The following RAD51B variants were observed in gnomAD, a reference collection of about 807,000 sequenced individuals.
RAD51B encodes the protein DNA repair protein RAD51 homolog 2.
A neutral mutation model predicts 42.2 loss-of-function variants in RAD51B; 38 were observed. That is an observed-to-expected ratio of 0.90 (90% CI 0.70 to 1.18). The LOEUF is 1.18. Among genes scored for constraint, RAD51B ranks in the 50% most tolerant of loss-of-function variants. The probability of loss-of-function intolerance (pLI) is 0.00; values close to 1 mark genes in which losing one functional copy is unlikely to be tolerated. For missense variants in RAD51B, 373 were observed against 400.7 expected (o/e 0.93, Z 0.59); for synonymous variants, 154 against 145.2 (o/e 1.06, Z -0.43).
At chr14:68,642,971 T>C (rs1301748462) in intron 10 of RAD51B, among the ~76,000 whole-genome samples, 1 of 138,348 alleles carries the variant, frequency 7.2e-6, no homozygotes, top group Non-Finnish European at 1.6e-5. Flanking sequence ...CATTGTATGA[T>C]TTCTATTATT....
intron 8 of RAD51B, among the ~76,000 whole-genome samples, chr14:68,337,332 A>G (rs2139822974): frequency 6.6e-6 from 1 of 152,336 alleles, no homozygotes; most frequent in South Asian, 2.1e-4. Flanking sequence ...TAGTTTATTG[A>G]TACATGAATT....
chr14:68,652,982 G>T (rs1261818550), intron 11 of RAD51B, among the ~76,000 whole-genome samples: 1 of 152,194 alleles, frequency 6.6e-6, no homozygotes, highest in African/African-American at 2.4e-5. Context: ...CTAACTTGAG[G>T]TCCACTCTGA....
chr14:67,833,292 C>T (rs1395533828), intron 3 of RAD51B, among the ~76,000 whole-genome samples: 1 of 152,166 alleles, frequency 6.6e-6, no homozygotes, highest in Non-Finnish European at 1.5e-5. Flanking sequence ...AGGAGAATTG[C>T]TTGAACCCAG....
intron 7 of RAD51B, among the ~76,000 whole-genome samples, chr14:68,062,860 G>A (rs1298280014): frequency 1.3e-5 from 2 of 149,412 alleles, no homozygotes; most frequent in Non-Finnish European, 3.0e-5. Context: ...CAGCCTTGAA[G>A]CCATCTGGTC....
At chr14:67,863,626 T>G (rs1293688151) in intron 4 of RAD51B, among the ~76,000 whole-genome samples, 2 of 152,100 alleles carry the variant, frequency 1.3e-5, no homozygotes, top group Non-Finnish European at 2.9e-5. Context: ...TTCTTTTCCC[T>G]TCCTCTCCTC....
chr14:67,971,528 A>G (rs1344399584), intron 7 of RAD51B, among the ~76,000 whole-genome samples: 1 of 152,096 alleles, frequency 6.6e-6, no homozygotes, highest in Non-Finnish European at 1.5e-5. Flanking sequence ...TTGTACTTAG[A>G]AGTAAATTAC....
At chr14:67,959,504 C>T (rs1001778545) in intron 7 of RAD51B, among the ~76,000 whole-genome samples, 1 of 152,084 alleles carries the variant, frequency 6.6e-6, no homozygotes, top group Non-Finnish European at 1.5e-5. Context: ...GCCTCAGCCT[C>T]CCAAAGTGCT....
intron 9 of RAD51B, among the ~76,000 whole-genome samples, chr14:68,460,362 A>G (rs2085812934): frequency 6.6e-6 from 1 of 152,180 alleles, no homozygotes; most frequent in South Asian, 2.1e-4. Flanking sequence ...CTGAGGCAGG[A>G]GAATCACCTG....
At chr14:68,196,826 A>G (rs4486809) in intron 7 of RAD51B, among the ~76,000 whole-genome samples, 2,952 of 152,326 alleles carry the variant, frequency 0.019, 102 homozygotes, top group African/African-American at 0.068. Flanking sequence ...ATCAAATGCT[A>G]TGCTTGCCCC....
At chr14:68,418,133 A>G (rs1249075081) in intron 9 of RAD51B, among the ~76,000 whole-genome samples, 1 of 152,262 alleles carries the variant, frequency 6.6e-6, no homozygotes, top group Admixed American at 6.5e-5. Flanking sequence ...ATGATGTTTT[A>G]AACATCATTT....
At chr14:67,851,623 T>C (rs1478388522) in intron 4 of RAD51B, among the ~76,000 whole-genome samples, 1 of 151,720 alleles carries the variant, frequency 6.6e-6, no homozygotes, top group Admixed American at 6.6e-5. Context: ...AGAGGACCTG[T>C]TCAGTTGCCT....
intron 8 of RAD51B, among the ~76,000 whole-genome samples, chr14:68,332,650 T>G (rs2082373282): frequency 6.6e-6 from 1 of 152,226 alleles, no homozygotes; most frequent in African/African-American, 2.4e-5. Flanking sequence ...TGCATCTGTT[T>G]TATTTCTAAT....
intron 11 of RAD51B, among the ~76,000 whole-genome samples, chr14:68,666,554 A>C (rs1893035877): frequency 6.6e-6 from 1 of 152,186 alleles, no homozygotes. Context: ...GGTGAACCCC[A>C]GGCAGGAAGT....
chr14:68,091,850 T>C (rs956924795), intron 7 of RAD51B, among the ~76,000 whole-genome samples: 8 of 152,344 alleles, frequency 5.3e-5, no homozygotes, highest in African/African-American at 1.4e-4. Context: ...TGTAAGTCTT[T>C]AATCCATCTT....
intron 7 of RAD51B, among the ~76,000 whole-genome samples, chr14:67,901,243 A>G (rs1055028136): frequency 6.6e-6 from 1 of 152,244 alleles, no homozygotes; most frequent in East Asian, 1.9e-4. Flanking sequence ...AGCGAAAGCC[A>G]CAGGGGTACT....
At chr14:67,844,273 G>A (rs2041531922) in intron 4 of RAD51B, among the ~76,000 whole-genome samples, 2 of 151,716 alleles carry the variant, frequency 1.3e-5, no homozygotes, top group South Asian at 4.1e-4. Flanking sequence ...ATGGTTGATT[G>A]TGTGGTCAGT....
chr14:68,596,460 G>A (rs72729538), downstream of RAD51B, among the ~76,000 whole-genome samples: 11,220 of 152,212 alleles, frequency 0.074, 572 homozygotes, highest in South Asian at 0.23. Flanking sequence ...GAAAGGGGCT[G>A]GGGAGAACAA....
At chr14:68,387,517 A>G (rs896140665) in intron 8 of RAD51B, among the ~76,000 whole-genome samples, 3 of 152,224 alleles carry the variant, frequency 2.0e-5, no homozygotes, top group Non-Finnish European at 4.4e-5. Context: ...TTTGACAGAC[A>G]TTGTGCCTCT....
At chr14:68,595,618 A>C in exon 11 of RAD51B, 2 of 1,062,700 alleles carry the variant, frequency 1.9e-6, no homozygotes, top group Non-Finnish European at 2.3e-6. Context: ...CAGTCTCCCC[A>C]ATGTCTACAT....
Sources: allele counts gnomAD v4.1 joint callset (sites outside exome capture counted in the v4.1 genomes callset), GRCh38; gene constraint gnomAD v4.1.1; transcripts MANE v1.5; gene names NCBI Gene and HGNC (gene_info 2026-07-23, HGNC 2026-07-21).